Variants in ATAD2 observed in about 807,000 individuals in gnomAD.
ATAD2 encodes ATPase family AAA domain containing 2.
ATAD2 carries 62 observed loss-of-function variants against 168.9 expected under a neutral mutation model. The ratio of observed to expected loss-of-function variants is 0.37; its 90% CI spans 0.30 to 0.45. The LOEUF is 0.45. Ranked by LOEUF, ATAD2 falls within the 20% of genes least tolerant of loss-of-function variation. The probability of loss-of-function intolerance (pLI) is 1.00; values close to 1 mark genes in which losing one functional copy is unlikely to be tolerated. For missense variants in ATAD2, 1,419 were observed against 1,667.8 expected, an observed-to-expected ratio of 0.85 and a Z score of 2.60; for synonymous variants, 613 against 571.6, an observed-to-expected ratio of 1.07 and a Z score of -1.03.
chr8:123,350,869 C>T (rs944269521), intron 13 of ATAD2, among the ~76,000 whole-genome samples: 31 of 152,036 alleles, frequency 2.0e-4, no homozygotes, highest in African/African-American at 7.0e-4. Flanking sequence ...GGACTACAGG[C>T]GCCCGCTACC....
At chr8:123,398,737 T>G (rs1812959753), upstream of ATAD2, among the ~76,000 whole-genome samples, 1 of 151,824 alleles carries the variant, frequency 6.6e-6, no homozygotes, top group African/African-American at 2.4e-5. Flanking sequence ...ACTCCTGGCC[T>G]CAAGCAATCC....
rs768700195 is a variant in ATAD2 at position 123,328,545 on chromosome 8, G to C, written c.3513C>G (p.Asn1171Lys). 1.9e-6 allele frequency: 3 copies of C among 1,546,220 alleles called. No homozygotes were observed. In the South Asian group the frequency reaches 3.8e-5, roughly 19 times the overall value. Residue 1171 changes from asparagine to lysine, a missense_variant, in exon 25 of 28, where the codon AAC (asparagine) becomes AAG (lysine). Transcript: ENST00000287394. ...GCTTTTTTATGGTGCCTAAGTACCA[G>C]TTTGACTTTTTGCGAATTTTCCTCT... ...QLKRKIRKKS[N>K]WYLGTIKKRR...
At chr8:123,351,622 A>G (rs1408526076) in intron 13 of ATAD2, among the ~76,000 whole-genome samples, 1 of 152,162 alleles carries the variant, frequency 6.6e-6, no homozygotes, top group Non-Finnish European at 1.5e-5. Flanking sequence ...ACCCTCAATC[A>G]TGGCCTGTAT....
chr8:123,373,419 A>G (rs938928598), intron 2 of ATAD2, among the ~76,000 whole-genome samples: 11 of 152,132 alleles, frequency 7.2e-5, no homozygotes, highest in African/African-American at 2.7e-4. Flanking sequence ...CTTATATTCT[A>G]TAATACTACA....
Position 123,402,161 on chromosome 8 carries a change from G to A in ATAD2, c.-2281-986C>T, listed in dbSNP as rs1813011768. On this transcript the variant is annotated intron_variant, in intron 1 of 28. Transcript: ENST00000521903. This position sits in a 1 kb window ranked among gnomAD's most constrained non-coding sequence, Gnocchi z 4.8. ...GGGGCACCCCCCAGTGTCCACCTTC[G>A]GGCATAGCCTCCCTCCATCACTGAG... The A allele has an allele frequency of 5.8e-6, 4 of 695,228 alleles. No individual in the cohort carries two copies. Among genetic ancestry groups the A allele is most frequent in the East Asian group, 2.7e-5 (1 of 37,088 alleles). 43.1% of individuals were successfully genotyped at this position (695,228 alleles called of 1,614,324 possible). A position where few individuals can be genotyped will look rare whatever the true frequency, so the allele number is the denominator to read the frequency against.
At chr8:123,387,253 A>T (rs76891184) in intron 1 of ATAD2, among the ~76,000 whole-genome samples, 3,518 of 152,250 alleles carry the variant, frequency 0.023, 140 homozygotes, top group African/African-American at 0.081. Context: ...AATGAATAGT[A>T]TTTCAGCCAT....
intron 20 of ATAD2, among the ~76,000 whole-genome samples, chr8:123,338,708 T>C (rs1475502622): frequency 1.3e-5 from 2 of 152,134 alleles, no homozygotes; most frequent in African/African-American, 4.8e-5. Context: ...AGGAAAGGCT[T>C]CATAATAAAG....
Position 123,371,742 on chromosome 8 carries a change from C to T in ATAD2, c.464G>A (p.Arg155His), listed in dbSNP as rs749840287. The change falls in exon 4 of 28, where the codon CGT (arginine) becomes CAT (histidine). Residue 155 changes from arginine (R) to histidine (H), a missense_variant. Coordinates refer to ENST00000287394, the MANE Select transcript of ATAD2 (RefSeq NM_014109.4). ...LHEDNGDVEVRRSCRIRSRYS... is the reference protein window; with the variant it reads ...LHEDNGDVEVHRSCRIRSRYS... The stretch of plus-strand genomic sequence containing the variant: ...ACGACTTCTAATCCTACAACTTCGA[C>T]GCACTTCAACATCACCATTATCTTC... The T allele has an allele frequency of 3.7e-6, 6 of 1,613,600 alleles. No individual in the cohort carries two copies. Among genetic ancestry groups the T allele is most frequent in the Non-Finnish European group, 2.5e-6 (3 of 1,179,780 alleles).
intron 1 of ATAD2, among the ~76,000 whole-genome samples, chr8:123,392,458 T>C (rs1245744242): frequency 6.6e-6 from 1 of 152,030 alleles, no homozygotes; most frequent in East Asian, 1.9e-4. Flanking sequence ...TAAGGTGAAT[T>C]TGGGCAATTT....
intron 9 of ATAD2, among the ~76,000 whole-genome samples, chr8:123,360,422 A>G (rs1183758987): frequency 3.3e-5 from 5 of 150,590 alleles, no homozygotes; most frequent in East Asian, 3.9e-4. Flanking sequence ...GCTCGCTGCA[A>G]TCTTCGCCTC....
chr8:123,391,703 C>T (rs1829830460), intron 1 of ATAD2, among the ~76,000 whole-genome samples: 1 of 152,116 alleles, frequency 6.6e-6, no homozygotes, highest in South Asian at 2.1e-4. Flanking sequence ...TGATGTAAAA[C>T]AGCAAGGTGT....
At chr8:123,359,772 T>C in intron 9 of ATAD2, 87 bp from the exon 10 acceptor site, 1 of 842,970 alleles carries the variant, frequency 1.2e-6, no homozygotes, top group South Asian at 1.9e-5. Context: ...ACATTTAAGT[T>C]AAAAAAAAAA....
At chr8:123,360,937 CA>C (rs34721440) in intron 9 of ATAD2, among the ~76,000 whole-genome samples, 6,581 of 104,184 alleles carry the variant, frequency 0.063, 167 homozygotes, top group Middle Eastern at 0.11. Context: ...TTATTATAAG[CA>C]AAAAAAAAAA....
chr8:123,324,124 A>C lies in ATAD2; in HGVS notation c.4003-1058T>G, dbSNP rs551264031. Among the ~76,000 whole-genome samples, 8 of 152,352 alleles carry C rather than the reference A, an allele frequency of 5.3e-5. No individual in the cohort carries two copies. The South Asian group carries it at 1.4e-3, about 28-fold the overall frequency. On this transcript the variant is annotated intron_variant, in intron 26 of 27. Transcript: ENST00000287394. ...CAGTTCCACATATATTTTTTAATAG[A>C]GTTTTTCAGAAAGACTACAGTTTTT...
At chr8:123,396,933 C>CT (rs113590434), upstream of ATAD2, among the ~76,000 whole-genome samples, 1,854 of 146,752 alleles carry the variant, frequency 0.013, 19 homozygotes, top group African/African-American at 0.034. Flanking sequence ...GCCTTAAGAA[C>CT]TTTTTTTTTT....
At chr8:123,371,519 G>C (rs1586890995) in intron 4 of ATAD2, 151 bp downstream of exon 4, 1 of 806,930 alleles carries the variant, frequency 1.2e-6, no homozygotes, top group South Asian at 2.2e-5. Context: ...GACATATACA[G>C]AATTGTCACA....
Position 123,348,125 on chromosome 8 carries a change from T to C in ATAD2, c.1897+58A>G, listed in dbSNP as rs1828313820. 2.2e-6 allele frequency: 3 copies of C among 1,363,470 alleles called. No individual in the cohort carries two copies. The East Asian group carries it at 7.3e-5, about 33-fold the overall frequency. The allele number at this position is 1,363,470 out of a possible 1,614,324, so 84.5% of individuals were successfully genotyped here. On this transcript the variant is annotated intron_variant, in intron 15 of 27. Coordinates refer to ENST00000287394, the MANE Select transcript of ATAD2 (RefSeq NM_014109.4). ...TACTTTTGCACCAACCTAATATAAC[T>C]TGTTTCATATTTGAAATAAATGTAG...
At chr8:123,390,108 AC>A in intron 1 of ATAD2, among the ~76,000 whole-genome samples, 1 of 150,734 alleles carries the variant, frequency 6.6e-6, no homozygotes, top group East Asian at 2.0e-4. Context: ...CCTCCCCGGC[AC>A]CTTGGATTAC....
chr8:123,320,927 G>T lies in ATAD2; in HGVS notation c.*207C>A. On this transcript the variant is annotated 3_prime_UTR_variant, in exon 28 of 28. Coordinates refer to ENST00000287394, the MANE Select transcript of ATAD2 (RefSeq NM_014109.4). ...ACTATTACTACAGGGTCTTGTTCTA[G>T]CAAAGTTCCAATATTTATCAGTTAT... 1 of 513,354 alleles carries T rather than the reference G, an allele frequency of 1.9e-6. No homozygotes were observed. The allele number at this position is 513,354 out of a possible 1,614,324, so 31.8% of individuals were successfully genotyped here. A position where few individuals can be genotyped will look rare whatever the true frequency, so the allele number is the denominator to read the frequency against.
Sources: gnomAD v4.1 joint callset for allele counts (sites outside exome capture counted in the v4.1 genomes callset) on GRCh38, gnomAD v4.1.1 for gene constraint, Gnocchi (gnomAD v3.1) non-coding constraint, MANE v1.5 for transcripts, NCBI Gene and HGNC (gene_info 2026-07-23, HGNC 2026-07-21) for gene names.